The following GPC4 variants were observed in gnomAD, a reference collection of about 807,000 sequenced individuals.
GPC4 encodes glypican 4.
A neutral mutation model predicts 35.0 loss-of-function variants in GPC4; 10 were observed. That is an observed-to-expected ratio of 0.29 (90% CI 0.18 to 0.48). GPC4 has a LOEUF of 0.48. Among genes scored for constraint, GPC4 ranks in the 20% least tolerant of loss-of-function variants. The pLI, the probability that GPC4 is intolerant of heterozygous loss-of-function variation, is 0.99. For missense variants in GPC4, 322 were observed against 451.3 expected (o/e 0.71, Z 2.60); for synonymous variants, 167 against 170.2 (o/e 0.98, Z 0.15).
intron 1 of GPC4, among the ~76,000 whole-genome samples, chrX:133,386,700 C>T (rs1013370339): frequency 1.8e-5 from 2 of 111,850 alleles, no homozygotes; most frequent in African/African-American, 6.5e-5. Flanking sequence ...AGTCCTAATT[C>T]GCTCTGACAT....
At chrX:133,358,191 G>A (rs1191865323) in intron 1 of GPC4, among the ~76,000 whole-genome samples, 1 of 111,738 alleles carries the variant, frequency 8.9e-6, no homozygotes, top group Non-Finnish European at 1.9e-5. Context: ...AATATTAAAG[G>A]TTGATTCTTA....
rs763800349 is a variant in GPC4, at chrX:133,347,248, G to GTTTTTT, written c.161-7913_161-7908dup. ...TAAATCTAAAACTCTTCTATTAGAA[G>GTTTTTT]TTTTTTTTTTTTTTTTTTTTTTTTT... On this transcript the variant is annotated intron_variant, in intron 1 of 8. Transcript: ENST00000370828. 9.2e-3 allele frequency among the ~76,000 whole-genome samples: 233 copies of GTTTTTT among 25,416 alleles called. 44 individuals carry two copies. The highest frequency in any genetic ancestry group is 0.026 in the African/African-American group (184 of 7,184). 22.1% of individuals were successfully genotyped at this position (25,416 alleles called of 115,157 possible).
chrX:133,362,227 A>G (rs1273971235), intron 1 of GPC4, among the ~76,000 whole-genome samples: 3 of 108,859 alleles, frequency 2.8e-5, no homozygotes, highest in Middle Eastern at 9.3e-3. Context: ...AAAAAAAAGA[A>G]AGGAAGGAAA....
At chrX:133,411,557 C>T (rs2068813241) in intron 1 of GPC4, among the ~76,000 whole-genome samples, 1 of 111,318 alleles carries the variant, frequency 9.0e-6, no homozygotes, top group Non-Finnish European at 1.9e-5. Context: ...ACTCCCTTCT[C>T]GTCATCTGTA....
intron 3 of GPC4, among the ~76,000 whole-genome samples, chrX:133,322,220 G>A (rs2068368547): frequency 9.0e-6 from 1 of 111,141 alleles, no homozygotes; most frequent in African/African-American, 3.3e-5. Context: ...GAGGCAGTCA[G>A]ATCACCTGAG....
intron 1 of GPC4, among the ~76,000 whole-genome samples, chrX:133,379,528 T>C (rs1453341179): frequency 8.9e-6 from 1 of 111,969 alleles, no homozygotes; most frequent in Non-Finnish European, 1.9e-5. Context: ...ATATACTAAA[T>C]GCCACTGATA....
intron 2 of GPC4, among the ~76,000 whole-genome samples, chrX:133,329,477 A>T (rs745603097): frequency 1.8e-5 from 2 of 111,572 alleles, no homozygotes; most frequent in East Asian, 5.7e-4. Flanking sequence ...AAAATTGGGA[A>T]CTGTTTATCC....
At chrX:133,361,900 T>C (rs751605560) in intron 1 of GPC4, among the ~76,000 whole-genome samples, 60 of 110,982 alleles carry the variant, frequency 5.4e-4, no homozygotes, top group Non-Finnish European at 1.0e-3. Context: ...AATACAATAA[T>C]AGAAGCAAAG....
chrX:133,371,681 T>C (rs1334668002), intron 1 of GPC4, among the ~76,000 whole-genome samples: 6 of 111,821 alleles, frequency 5.4e-5, no homozygotes, highest in Admixed American at 2.9e-4. Context: ...ATTGCTTGAG[T>C]TGATTTCTCT....
chrX:133,311,650 C>T (rs2068314933), intron 3 of GPC4: 1 of 436,359 alleles, frequency 2.3e-6, no homozygotes, highest in Non-Finnish European at 4.0e-6. Context: ...GGTGCACCAA[C>T]TCCCACCCTG....
intron 1 of GPC4, chrX:133,414,514 G>A (rs2068829124): frequency 1.3e-6 from 1 of 754,605 alleles, no homozygotes; most frequent in African/African-American, 2.3e-5. Flanking sequence ...TAATGCAGGG[G>A]GGAGAGGAGG....
Position 133,329,456 on chromosome X carries a change from C to T in GPC4, c.320-4920G>A, listed in dbSNP as rs180978100. ...CTGCTGGAGGTCTTCTAAGAAGACG[C>T]AAGGCCTTATAAAATTGGGAACTGT... On this transcript the variant is annotated intron_variant, in intron 2 of 8. Transcript: ENST00000370828. 2.7e-5 allele frequency among the ~76,000 whole-genome samples: 3 copies of T among 111,199 alleles called. No individual in the cohort carries two copies. In the Admixed American group the frequency reaches 2.9e-4, roughly 11 times the overall value.
Position 133,341,002 on chromosome X carries a change from G to A in GPC4, c.161-1661C>T, listed in dbSNP as rs1603071930. Among the ~76,000 whole-genome samples the A allele has an allele frequency of 2.8e-5, 3 of 108,885 alleles. No homozygotes were observed. In the East Asian group the frequency reaches 8.4e-4, roughly 30 times the overall value. 94.6% of individuals were successfully genotyped at this position (108,885 alleles called of 115,157 possible). On this transcript the variant is annotated intron_variant, in intron 1 of 8. Coordinates refer to ENST00000370828, the MANE Select transcript of GPC4 (RefSeq NM_001448.3). ...ATAATTCTACTAACAGAAAAAAAAG[G>A]GAAAAAAAAGGTTGTGTAATCAAGT...
At position 133,412,210 on chromosome X, in the gene GPC4, T is replaced by TA. The variant is rs1377952277; in HGVS notation, c.160+2595dup. Among the ~76,000 whole-genome samples the TA allele has an allele frequency of 5.4e-5, 6 of 111,716 alleles. No individual in the cohort carries two copies. In the Admixed American group the frequency reaches 5.7e-4, roughly 11 times the overall value. On this transcript the variant is annotated intron_variant, in intron 1 of 8. Coordinates refer to ENST00000370828, the MANE Select transcript of GPC4 (RefSeq NM_001448.3). ...AAGTCACTATATTGACTATCCCCCT[T>TA]AAAAAATGACCAAAATTATCTGAGT...
At chrX:133,310,295 T>C (rs182662971) in intron 4 of GPC4, among the ~76,000 whole-genome samples, 2 of 111,689 alleles carry the variant, frequency 1.8e-5, no homozygotes, top group Non-Finnish European at 1.9e-5. Context: ...GTGACTAGGG[T>C]GGGGAAAAAT....
At chrX:133,414,379 CGGCCTCT>C in intron 1 of GPC4, 18 of 554,500 alleles carry the variant, frequency 3.2e-5, no homozygotes, top group South Asian at 9.3e-5. Context: ...CACCCCCACC[CGGCCTCT>C]CCTCACCCAT....
intron 3 of GPC4, among the ~76,000 whole-genome samples, chrX:133,323,037 A>C (rs935486702): frequency 9.0e-6 from 1 of 111,627 alleles, no homozygotes; most frequent in African/African-American, 3.3e-5. Context: ...AATCTTGCTC[A>C]GATCCCTGCT....
chrX:133,313,194 T>C (rs1220614526), intron 3 of GPC4, among the ~76,000 whole-genome samples: 1 of 111,410 alleles, frequency 9.0e-6, no homozygotes, highest in Admixed American at 9.5e-5. Context: ...GCAGTGCCCT[T>C]AGGAACAGGA....
chrX:133,304,759 C>T lies in GPC4; in HGVS notation c.1258G>A (p.Glu420Lys). 8.3e-7 allele frequency: 1 copy of T among 1,211,917 alleles called. No individual in the cohort carries two copies. The highest frequency in any genetic ancestry group is 1.1e-6 in the Non-Finnish European group (1 of 895,489). The change falls in exon 7 of 9, where the codon GAG (glutamate) becomes AAG (lysine). Residue 420 changes from glutamate (E) to lysine (K), a missense_variant. Physicochemically the swap from Glu to Lys is moderately conservative, Grantham distance 56 (BLOSUM62 1). Coordinates refer to ENST00000370828, the MANE Select transcript of GPC4 (RefSeq NM_001448.3). ...DERMAAGNGN[E>K]DDCWNGKGKS... is the part of the protein sequence containing the mutation. ...CCTTTCCCATTCCAACAGTCATCCT[C>T]ATTGCCGTTTCCTGCAGCCATCCTC...
Sources: allele counts gnomAD v4.1 joint callset (sites outside exome capture counted in the v4.1 genomes callset), GRCh38; gene constraint gnomAD v4.1.1; transcripts MANE v1.5; gene names NCBI Gene and HGNC (gene_info 2026-07-23, HGNC 2026-07-21).